The following GGACT variants were observed in gnomAD, a reference collection of about 807,000 sequenced individuals.
GGACT encodes gamma-glutamylaminecyclotransferase.
For synonymous variants in GGACT, 118 were observed against 115.3 expected, an observed-to-expected ratio of 1.02 and a Z score of -0.15; for missense variants, 241 against 233.2, an observed-to-expected ratio of 1.03 and a Z score of -0.22.
chr13:100,544,893 G>A (rs190638783), intron 2 of GGACT, among the ~76,000 whole-genome samples: 60 of 152,356 alleles, frequency 3.9e-4, no homozygotes, highest in Non-Finnish European at 7.6e-4. Context: ...GCCAGGGAAC[G>A]AGCTCTATGC....
chr13:100,565,355 A>T (rs976434236), intron 2 of GGACT, among the ~76,000 whole-genome samples: 2 of 152,196 alleles, frequency 1.3e-5, no homozygotes, highest in Non-Finnish European at 2.9e-5. Context: ...CTACCTGACA[A>T]CGTTAACAGC....
intron 1 of GGACT, chr13:100,586,900 T>G (rs1875595242): frequency 6.6e-6 from 1 of 152,258 alleles, no homozygotes. Flanking sequence ...GGCTGCCTTA[T>G]CCTGAGTAGT....
chr13:100,542,915 TTTCATATTTCA>T (rs2088567972), intron 2 of GGACT, among the ~76,000 whole-genome samples: 1 of 152,218 alleles, frequency 6.6e-6, no homozygotes, highest in Non-Finnish European at 1.5e-5. Flanking sequence ...CCGTCTATAG[TTTCATATTTCA>T]CCACTGAAGC....
rs763517743 is a variant in GGACT at position 100,545,646 on chromosome 13, G to A, written c.-10-13045C>T. On this transcript the variant is annotated intron_variant, in intron 2 of 2. Transcript: ENST00000683975. The surrounding 1 kb of genome is among the most constrained non-coding windows in gnomAD (Gnocchi z 4.4). The stretch of plus-strand genomic sequence containing the variant: ...AAGCTGCCACTATCCTGAAATTCCC[G>A]ATTTTGTCTTTGTATTTTGTAAGCA... 1.3e-5 allele frequency among the ~76,000 whole-genome samples: 2 copies of A among 152,254 alleles called. No individual in the cohort carries two copies. Among genetic ancestry groups the A allele is most frequent in the Non-Finnish European group, 2.9e-5 (2 of 68,050 alleles).
intron 2 of GGACT, among the ~76,000 whole-genome samples, chr13:100,577,733 C>T (rs1357992397): frequency 6.6e-6 from 1 of 151,050 alleles, no homozygotes; most frequent in Non-Finnish European, 1.5e-5. Context: ...GGTTACTATA[C>T]TGTACTTTTG....
At chr13:100,546,807 G>A (rs527827832) in intron 2 of GGACT, among the ~76,000 whole-genome samples, 2 of 152,330 alleles carry the variant, frequency 1.3e-5, no homozygotes, top group East Asian at 1.9e-4. Context: ...TAGGTCTCTC[G>A]ACTGCACCTT....
chr13:100,580,419 T>C (rs1219584335), intron 2 of GGACT, among the ~76,000 whole-genome samples: 3 of 152,170 alleles, frequency 2.0e-5, no homozygotes, highest in African/African-American at 7.2e-5. Flanking sequence ...GTGCGACCAC[T>C]TGCCGCAGAA....
At position 100,566,378 on chromosome 13, in the gene GGACT, G is replaced by A. The variant is rs117168066; in HGVS notation, c.-11+17447C>T. 7.2e-3 allele frequency among the ~76,000 whole-genome samples: 1,092 copies of A among 152,322 alleles called. 5 individuals carry two copies. Among genetic ancestry groups the A allele is most frequent in the Non-Finnish European group, 0.012 (796 of 68,040 alleles). On this transcript the variant is annotated intron_variant, in intron 2 of 2. Transcript: ENST00000683975. ...CCTGTGGTACTTTCTTTGCTTTCTC[G>A]GTTGCTACTGCCTTTCAGGCCCTTC... is the stretch of plus-strand genomic sequence containing the variant.
At chr13:100,546,195 C>A (rs1305132678) in intron 2 of GGACT, among the ~76,000 whole-genome samples, 2 of 151,790 alleles carry the variant, frequency 1.3e-5, no homozygotes, top group Non-Finnish European at 2.9e-5. Context: ...CGCATCTCTA[C>A]TAAAAATACA....
intron 2 of GGACT, among the ~76,000 whole-genome samples, chr13:100,550,075 G>T (rs186526770): frequency 1.5e-4 from 23 of 152,034 alleles, no homozygotes; most frequent in African/African-American, 5.1e-4. Context: ...AAGGCAATTC[G>T]GCATGTGTCC....
intron 1 of GGACT, among the ~76,000 whole-genome samples, chr13:100,584,333 T>C (rs929260524): frequency 2.0e-5 from 3 of 152,196 alleles, no homozygotes; most frequent in Non-Finnish European, 2.9e-5. Flanking sequence ...AACAATATGG[T>C]GCAGCCGGAG....
At chr13:100,554,258 G>C (rs1220573205) in intron 2 of GGACT, among the ~76,000 whole-genome samples, 2 of 152,170 alleles carry the variant, frequency 1.3e-5, no homozygotes, top group Non-Finnish European at 2.9e-5. Flanking sequence ...CAGGGGTTCA[G>C]AAAGTTCCAA....
At position 100,545,282 on chromosome 13, in the gene GGACT, G is replaced by A. The variant is rs918666962; in HGVS notation, c.-10-12681C>T. ...GTGCTCCAAACCACATGGTGAGGCC[G>A]CTTCACTCCCAGCTTCTCCCCCCTT... On this transcript the variant is annotated intron_variant, in intron 2 of 2. Transcript: ENST00000683975. The surrounding 1 kb of genome is among the most constrained non-coding windows in gnomAD (Gnocchi z 4.4). Among the ~76,000 whole-genome samples, 3 of 152,228 alleles carry A rather than the reference G, an allele frequency of 2.0e-5. No homozygotes were observed. The highest frequency in any genetic ancestry group is 2.9e-5 in the Non-Finnish European group (2 of 68,040).
rs999709066 is a variant in GGACT at position 100,530,798 on chromosome 13, TTTTG to T, written c.*1328_*1331del. 1.6e-4 allele frequency: 26 copies of T among 167,448 alleles called. No homozygotes were observed. The highest frequency in any genetic ancestry group is 2.3e-4 in the Admixed American group (4 of 17,654). The allele number at this position is 167,448 out of a possible 1,614,324, so 10.4% of individuals were successfully genotyped here. Reference sequence around the variant, plus strand: ...TGGCCGGGGGTGCTGTCTCCACTGTTTTTGTTTGTTTTGAGGATGAGCGCGCTGC... The same window carrying T: ...TGGCCGGGGGTGCTGTCTCCACTGTTTTTGTTTTGAGGATGAGCGCGCTGC... On this transcript the variant is annotated 3_prime_UTR_variant, in exon 3 of 3. Transcript: ENST00000683975.
At position 100,532,376 on chromosome 13, in the gene GGACT, C is replaced by T. The variant is rs546604667; in HGVS notation, c.216G>A (p.Glu72=). The change falls in exon 3 of 3, where the codon GAG becomes GAA. Residue 72 remains glutamate (E), a synonymous_variant. Transcript: ENST00000683975. ...LVEGEVYAVD[E]RMLRFLDDFE... The stretch of plus-strand genomic sequence containing the variant: ...AGTCATCCAGAAAGCGCAGCATCCG[C>T]TCGTCTACCGCGTAGACCTCGCCCT... The T allele has an allele frequency of 6.4e-7, 1 of 1,550,560 alleles. No homozygotes were observed. The highest frequency in any genetic ancestry group is 8.7e-7 in the Non-Finnish European group (1 of 1,146,652).
At chr13:100,549,745 G>A (rs980722988) in intron 2 of GGACT, among the ~76,000 whole-genome samples, 1 of 152,224 alleles carries the variant, frequency 6.6e-6, no homozygotes, top group African/African-American at 2.4e-5. Context: ...TATAGCCAGA[G>A]GTGGCAGATA....
chr13:100,575,774 C>G (rs1395678730), intron 2 of GGACT, among the ~76,000 whole-genome samples: 2 of 152,164 alleles, frequency 1.3e-5, no homozygotes, highest in African/African-American at 4.8e-5. Flanking sequence ...AACAAACAAA[C>G]AAACACTACA....
chr13:100,584,752 C>T (rs1875515493), intron 1 of GGACT, among the ~76,000 whole-genome samples: 1 of 152,038 alleles, frequency 6.6e-6, no homozygotes, highest in Non-Finnish European at 1.5e-5. Flanking sequence ...CATTGTATCT[C>T]ATATACACCT....
chr13:100,537,815 G>C (rs191454573), intron 2 of GGACT: 1 of 152,254 alleles, frequency 6.6e-6, no homozygotes, highest in East Asian at 1.9e-4. Flanking sequence ...TTGGAACAGA[G>C]TTGTAAGATG....
Sources: gnomAD v4.1 joint callset for allele counts (sites outside exome capture counted in the v4.1 genomes callset) on GRCh38, gnomAD v4.1.1 for gene constraint, Gnocchi (gnomAD v3.1) non-coding constraint, MANE v1.5 for transcripts, NCBI Gene and HGNC (gene_info 2026-07-23, HGNC 2026-07-21) for gene names.